Variants in OR6A2 observed in about 807,000 individuals in gnomAD.
OR6A2 encodes olfactory receptor 6A2.
A neutral mutation model predicts 7.1 loss-of-function variants in OR6A2; 6 were observed. The observed-to-expected ratio is 0.85, with a 90% confidence interval of 0.46 to 1.68. The LOEUF (loss-of-function observed/expected upper bound fraction) is 1.68. Among genes scored for constraint, OR6A2 ranks in the 40% most tolerant of loss-of-function variants. The probability of loss-of-function intolerance (pLI) is 0.01; values close to 1 mark genes in which losing one functional copy is unlikely to be tolerated. For missense variants in OR6A2, 431 were observed against 398.0 expected, an observed-to-expected ratio of 1.08 and a Z score of -0.71; for synonymous variants, 162 against 152.1, an observed-to-expected ratio of 1.06 and a Z score of -0.48.
rs1847701701 is a variant in OR6A2 at position 6,792,716 on chromosome 11, G to A, written c.*2009C>T. On this transcript the variant is annotated 3_prime_UTR_variant, in exon 2 of 2. Coordinates refer to ENST00000641196, the MANE Select transcript of OR6A2 (RefSeq NM_003696.3). ...GGAAAAATCAGTTACATAAATGGAGGATGGGGGATACTTAATCTGATAATC... is the reference window on the plus strand; with the variant it reads ...GGAAAAATCAGTTACATAAATGGAGAATGGGGGATACTTAATCTGATAATC... The A allele has an allele frequency of 6.6e-6, 1 of 152,190 alleles. No individual in the cohort carries two copies. Among genetic ancestry groups the A allele is most frequent in the Admixed American group, 6.5e-5 (1 of 15,274 alleles). 9.4% of individuals were successfully genotyped at this position (152,190 alleles called of 1,614,324 possible).
chr11:6,795,359 C>T lies in OR6A2; in HGVS notation c.350G>A (p.Cys117Tyr). The T allele has an allele frequency of 1.2e-6, 2 of 1,614,008 alleles. No individual in the cohort carries two copies. Among genetic ancestry groups the T allele is most frequent in the Non-Finnish European group, 1.7e-6 (2 of 1,179,994 alleles). The change falls in exon 2 of 2, where the codon TGT (cysteine) becomes TAT (tyrosine). Residue 117 changes from cysteine to tyrosine, a missense_variant. Cys to Tyr is a radical substitution (Grantham distance 194). Transcript: ENST00000641196. ...ATAGGCCATAACAGCGAGAAGGACA[C>T]ACTCAGTGCAGCCCAAGCCAAGGAA... ...YFFLGLGCTECVLLAVMAYDR... is the reference protein window; with the variant it reads ...YFFLGLGCTEYVLLAVMAYDR...
intron 1 of OR6A2, among the ~76,000 whole-genome samples, chr11:6,796,884 G>T (rs1337883137): frequency 6.6e-6 from 1 of 152,136 alleles, no homozygotes; most frequent in Non-Finnish European, 1.5e-5. Context: ...ATAGCATTGG[G>T]AGAGAGTGTG....
In OR6A2 at chr11:6,795,496, C is replaced by G. The variant is rs751134874; in HGVS notation, c.213G>C (p.Glu71Asp). The G allele has an allele frequency of 6.2e-7, 1 of 1,614,142 alleles. No homozygotes were observed. The highest frequency in any genetic ancestry group is 8.5e-7 in the Non-Finnish European group (1 of 1,180,018). The change falls in exon 2 of 2, where the codon GAG becomes GAC. Residue 71 changes from glutamate (E) to aspartate (D), a missense_variant. By Grantham distance (45) the Glu-to-Asp change is conservative (BLOSUM62 2). Transcript: ENST00000641196. ...GAATAGTGACAGTGACATACCAGATCTCCAGAAAGGACATATTAGCTAGAA... is the reference window on the plus strand; with the variant it reads ...GAATAGTGACAGTGACATACCAGATGTCCAGAAAGGACATATTAGCTAGAA... ...YFFLANMSFL[E>D]IWYVTVTIPK...
At chr11:6,798,670 C>T (rs1443694823) in intron 1 of OR6A2, among the ~76,000 whole-genome samples, 1 of 152,072 alleles carries the variant, frequency 6.6e-6, no homozygotes, top group Non-Finnish European at 1.5e-5. Context: ...TAATCATTGC[C>T]CACTATTTAA....
In OR6A2 at chr11:6,795,106, C is replaced by G; in HGVS notation, c.603G>C (p.Glu201Asp). ...AAATGGCCAGGATGAAATCTGTAAG[C>G]TCTGCTGTGGACATATCAGTGCATG... ...NLSCTDMSTA[E>D]LTDFILAIFI... The change falls in exon 2 of 2, where the codon GAG becomes GAC. Residue 201 changes from glutamate (E) to aspartate (D), a missense_variant. Coordinates refer to ENST00000641196, the MANE Select transcript of OR6A2 (RefSeq NM_003696.3). 1.2e-6 allele frequency: 2 copies of G among 1,614,128 alleles called. No homozygotes were observed. The highest frequency in any genetic ancestry group is 1.7e-6 in the Non-Finnish European group (2 of 1,180,016).
chr11:6,795,218 T>C lies in OR6A2; in HGVS notation c.491A>G (p.Lys164Arg), dbSNP rs781443688. ...WAGGFGISMV[K>R]VFLISGLSYC... ...AGAGAGGCCAGAAATAAGAAAAACTTTGACCATGGAGATGCCAAAACCTCC... is the reference window on the plus strand; with the variant it reads ...AGAGAGGCCAGAAATAAGAAAAACTCTGACCATGGAGATGCCAAAACCTCC... Residue 164 changes from lysine (K) to arginine (R), a missense_variant, in exon 2 of 2, where the codon AAA (lysine) becomes AGA (arginine). By Grantham distance (26) the Lys-to-Arg change is conservative. Coordinates refer to ENST00000641196, the MANE Select transcript of OR6A2 (RefSeq NM_003696.3). 2.7e-5 allele frequency: 44 copies of C among 1,613,944 alleles called. No individual in the cohort carries two copies. The highest frequency in any genetic ancestry group is 8.5e-7 in the Non-Finnish European group (1 of 1,180,004).
chr11:6,796,064 G>A (rs2133035378), intron 1 of OR6A2, among the ~76,000 whole-genome samples, 180 bp from the exon 2 acceptor site: 1 of 152,254 alleles, frequency 6.6e-6, no homozygotes, highest in Non-Finnish European at 1.5e-5. Flanking sequence ...GCCCTAAAAT[G>A]AGAGTTTGTC....
rs74055509 is a variant in OR6A2, at chr11:6,797,947, G to A, written c.-177+1597C>T. Reference sequence around the variant, plus strand: ...GGTTCATAAGGCTTCTATCCATAGAGACATTAGGTACTTTTTTTTTTTAAA... The same window carrying A: ...GGTTCATAAGGCTTCTATCCATAGAAACATTAGGTACTTTTTTTTTTTAAA... On this transcript the variant is annotated intron_variant, in intron 1 of 1. Coordinates refer to ENST00000641196, the MANE Select transcript of OR6A2 (RefSeq NM_003696.3). Among the ~76,000 whole-genome samples the A allele has an allele frequency of 5.0e-3, 766 of 152,226 alleles. 6 individuals carry two copies. Among genetic ancestry groups the A allele is most frequent in the African/African-American group, 0.018 (730 of 41,534 alleles).
chr11:6,795,589 C>G lies in OR6A2; in HGVS notation c.120G>C (p.Leu40=). The G allele has an allele frequency of 6.2e-7, 1 of 1,614,020 alleles. No individual in the cohort carries two copies. Among genetic ancestry groups the G allele is most frequent in the Non-Finnish European group, 8.5e-7 (1 of 1,179,980 alleles). ...CCATAATGATGAGTGTGTTCTCAGT[C>G]AGCACCAACACATAGGCCAGCAGCA... ...ALLLLAYVLV[L]TENTLIIMAI... Residue 40 remains leucine (L), a synonymous_variant, in exon 2 of 2, where the codon CTG becomes CTC. Transcript: ENST00000641196.
Position 6,794,670 on chromosome 11 carries a change from T to G in OR6A2, c.*55A>C, listed in dbSNP as rs199773283. The G allele has an allele frequency of 5.1e-6, 8 of 1,578,780 alleles. No individual in the cohort carries two copies. The Admixed American group carries it at 6.9e-5, about 14-fold the overall frequency. On this transcript the variant is annotated 3_prime_UTR_variant, in exon 2 of 2. Coordinates refer to ENST00000641196, the MANE Select transcript of OR6A2 (RefSeq NM_003696.3). ...GCCCTAAGAACTCCACTGGACTTCATAGAACACATTGATCCCAAGTTTAAT... is the reference window on the plus strand; with the variant it reads ...GCCCTAAGAACTCCACTGGACTTCAGAGAACACATTGATCCCAAGTTTAAT...
chr11:6,795,721 T>C lies in OR6A2; in HGVS notation c.-13A>G. 6.2e-7 allele frequency: 1 copy of C among 1,612,002 alleles called. No individual in the cohort carries two copies. The highest frequency in any genetic ancestry group is 8.5e-7 in the Non-Finnish European group (1 of 1,178,878). ...TCCGCCACTCCATGTCATTGGTCTC[T>C]CTTACTGCTCTTCAGGAGATGAGAG... On this transcript the variant is annotated 5_prime_UTR_variant, in exon 2 of 2. Coordinates refer to ENST00000641196, the MANE Select transcript of OR6A2 (RefSeq NM_003696.3).
Position 6,791,751 on chromosome 11 carries a change from G to A in OR6A2, c.*2974C>T, listed in dbSNP as rs1231497480. Reference sequence around the variant, plus strand: ...TATTTGGTAAGGAAAAACTAACAACGTGTTTCTTTTTAAAATAAACTTCTA... The same window carrying A: ...TATTTGGTAAGGAAAAACTAACAACATGTTTCTTTTTAAAATAAACTTCTA... On this transcript the variant is annotated 3_prime_UTR_variant, in exon 2 of 2. Transcript: ENST00000641196. The A allele has an allele frequency of 6.6e-6, 1 of 152,022 alleles. No homozygotes were observed. Among genetic ancestry groups the A allele is most frequent in the Non-Finnish European group, 1.5e-5 (1 of 67,984 alleles). The allele number at this position is 152,022 out of a possible 1,614,324, so 9.4% of individuals were successfully genotyped here.
At position 6,794,728 on chromosome 11, in the gene OR6A2, T is replaced by C. The variant is rs943532055; in HGVS notation, c.981A>G (p.Val327=). 10 of 1,613,528 alleles carry C rather than the reference T, an allele frequency of 6.2e-6. No individual in the cohort carries two copies. Among genetic ancestry groups the C allele is most frequent in the South Asian group, 2.2e-5 (2 of 91,014 alleles). The change falls in exon 2 of 2, where the codon GTA becomes GTG. Residue 327 remains valine, a synonymous_variant. Transcript: ENST00000641196. ...TATCAGATTTCACACATCCCTTCTATACATTTCTGCTAGCTTTCTTGGGGT... is the reference window on the plus strand; with the variant it reads ...TATCAGATTTCACACATCCCTTCTACACATTTCTGCTAGCTTTCTTGGGGT... The part of the protein sequence containing the change: ...DPDPKKASRN[V]
chr11:6,796,219 G>A (rs886661105), intron 1 of OR6A2, among the ~76,000 whole-genome samples: 5 of 152,110 alleles, frequency 3.3e-5, no homozygotes, highest in Non-Finnish European at 7.3e-5. Context: ...GTATTAATTC[G>A]CTTGATCTTA....
intron 1 of OR6A2, among the ~76,000 whole-genome samples, chr11:6,796,963 C>T (rs1336069841): frequency 6.6e-6 from 1 of 152,102 alleles, no homozygotes; most frequent in South Asian, 2.1e-4. Flanking sequence ...AGATTTCTTA[C>T]CTTTTAGTCT....
At position 6,793,642 on chromosome 11, in the gene OR6A2, C is replaced by G. The variant is rs1847713441; in HGVS notation, c.*1083G>C. On this transcript the variant is annotated 3_prime_UTR_variant, in exon 2 of 2. Transcript: ENST00000641196. ...CATATTCCTTCTAGTCTTGTTTAAA[C>G]AAGCAAATATGGCTGATATTTTTGA... The G allele has an allele frequency of 6.6e-6, 1 of 152,138 alleles. No homozygotes were observed. The highest frequency in any genetic ancestry group is 1.5e-5 in the Non-Finnish European group (1 of 68,012). The allele number at this position is 152,138 out of a possible 1,614,324, so 9.4% of individuals were successfully genotyped here.
At chr11:6,799,098 A>C (rs1001182659) in intron 1 of OR6A2, among the ~76,000 whole-genome samples, 2 of 152,238 alleles carry the variant, frequency 1.3e-5, no homozygotes, top group African/African-American at 4.8e-5. Context: ...ATTATATGCA[A>C]GTAAAACATG....
At chr11:6,796,989 G>A (rs999564258) in intron 1 of OR6A2, among the ~76,000 whole-genome samples, 5 of 152,162 alleles carry the variant, frequency 3.3e-5, no homozygotes, top group Admixed American at 1.3e-4. Context: ...CTGTCCCTAT[G>A]AGGTTAGTGG....
At chr11:6,799,130 G>T (rs1375832284) in intron 1 of OR6A2, among the ~76,000 whole-genome samples, 1 of 152,162 alleles carries the variant, frequency 6.6e-6, no homozygotes, top group Non-Finnish European at 1.5e-5. Context: ...GATCTGCAGG[G>T]ACCAGATAAA....
Sources: gnomAD v4.1 joint callset for allele counts (sites outside exome capture counted in the v4.1 genomes callset) on GRCh38, gnomAD v4.1.1 for gene constraint, MANE v1.5 for transcripts, NCBI Gene and HGNC (gene_info 2026-07-23, HGNC 2026-07-21) for gene names.